CDH4: variants seen among roughly 807,000 people sequenced by gnomAD.
CDH4 encodes cadherin-4.
In CDH4, 33 loss-of-function variants were observed where a neutral mutation model predicts 86.0. The ratio of observed to expected loss-of-function variants is 0.38; its 90% confidence interval spans 0.29 to 0.51. The LOEUF (loss-of-function observed/expected upper bound fraction) is 0.51, where lower values mean the gene tolerates loss of function less well. Among genes scored for constraint, CDH4 ranks in the 20% least tolerant of loss-of-function variants. CDH4 has a pLI of 0.86. For missense variants in CDH4, 1,114 were observed against 1,307.4 expected (o/e 0.85, Z 2.28); for synonymous variants, 555 against 549.4 (o/e 1.01, Z -0.14).
At chr20:61,798,611 G>A (rs1016491658) in intron 4 of CDH4, among the ~76,000 whole-genome samples, 9 of 152,192 alleles carry the variant, frequency 5.9e-5, no homozygotes, top group Non-Finnish European at 1.0e-4. Context: ...ATGCCACCTC[G>A]GCCAGGCCCC....
At chr20:61,673,489 TGAG>T (rs2087412526) in intron 2 of CDH4, among the ~76,000 whole-genome samples, 1 of 152,234 alleles carries the variant, frequency 6.6e-6, no homozygotes, top group African/African-American at 2.4e-5. Flanking sequence ...AGGAGGCAGT[TGAG>T]GAGCCTGGCG....
intron 2 of CDH4, among the ~76,000 whole-genome samples, chr20:61,552,339 A>G (rs1262216238): frequency 1.3e-5 from 2 of 152,258 alleles, no homozygotes; most frequent in African/African-American, 4.8e-5. Context: ...AAGAAGACAT[A>G]CGAATGTCCA....
chr20:61,785,614 GGCCCCCACCCAGGTTTGCAGA>G (rs1043284946), intron 4 of CDH4, among the ~76,000 whole-genome samples: 14 of 151,424 alleles, frequency 9.2e-5, no homozygotes, highest in Middle Eastern at 3.4e-3. Context: ...AGGTGGACAG[GGCCCCCACCCAGGTTTGCAGA>G]GCCCCCACCC....
In CDH4 at chr20:61,807,183, G is replaced by A. The variant is rs983627263; in HGVS notation, c.576+34001G>A. Among the ~76,000 whole-genome samples the A allele has an allele frequency of 3.9e-5, 6 of 152,212 alleles. 1 individual carries two copies. Among genetic ancestry groups the A allele is most frequent in the Non-Finnish European group, 8.8e-5 (6 of 68,042 alleles). On this transcript the variant is annotated intron_variant, in intron 4 of 15. Transcript: ENST00000614565. The surrounding 1 kb of genome is among the most constrained non-coding windows in gnomAD (Gnocchi z 4.5). Reference sequence around the variant, plus strand: ...GGAGGGCCTCGGGAGGTGCCTGGTGGGTCCTGCCAGACAGAGGAGTGGCCT... The same window carrying A: ...GGAGGGCCTCGGGAGGTGCCTGGTGAGTCCTGCCAGACAGAGGAGTGGCCT...
chr20:61,446,576 C>T (rs6089666), intron 2 of CDH4, among the ~76,000 whole-genome samples: 4,394 of 151,596 alleles, frequency 0.029, 104 homozygotes, highest in Non-Finnish European at 0.044. Context: ...GTTGCTTGCA[C>T]TTTTCATGAT....
At chr20:61,887,887 G>A (rs1042124477) in intron 7 of CDH4, among the ~76,000 whole-genome samples, 10 of 152,182 alleles carry the variant, frequency 6.6e-5, no homozygotes, top group Non-Finnish European at 1.0e-4. Flanking sequence ...GGGACCCTAC[G>A]CTGCAGGATG....
intron 2 of CDH4, among the ~76,000 whole-genome samples, chr20:61,515,877 GCT>G (rs887401065): frequency 2.6e-5 from 4 of 152,018 alleles, no homozygotes; most frequent in Non-Finnish European, 5.9e-5. Context: ...TTGCTCGCTC[GCT>G]CTCTGTTTCC....
At chr20:61,727,446 C>T (rs560617697) in intron 2 of CDH4, among the ~76,000 whole-genome samples, 3 of 152,334 alleles carry the variant, frequency 2.0e-5, no homozygotes, top group African/African-American at 7.2e-5. Context: ...CTGCCACCAT[C>T]ATCATCATCA....
At chr20:61,279,020 A>C (rs1248114265) in intron 2 of CDH4, among the ~76,000 whole-genome samples, 1 of 152,182 alleles carries the variant, frequency 6.6e-6, no homozygotes, top group Non-Finnish European at 1.5e-5. Context: ...CTGAGAGTGG[A>C]GGGGCTTTGT....
At chr20:61,657,986 C>T (rs2087210483) in intron 2 of CDH4, among the ~76,000 whole-genome samples, 2 of 152,136 alleles carry the variant, frequency 1.3e-5, no homozygotes, top group Admixed American at 1.3e-4. Context: ...TGACCCTTTA[C>T]TGGAGGGAAG....
intron 2 of CDH4, among the ~76,000 whole-genome samples, chr20:61,334,962 C>G (rs2084609255): frequency 6.6e-6 from 1 of 152,216 alleles, no homozygotes; most frequent in Non-Finnish European, 1.5e-5. Flanking sequence ...CAGGCTCCAG[C>G]CTGTCCTCCA....
At chr20:61,495,001 G>C (rs898500292) in intron 2 of CDH4, among the ~76,000 whole-genome samples, 3 of 152,260 alleles carry the variant, frequency 2.0e-5, no homozygotes, top group Non-Finnish European at 4.4e-5. Flanking sequence ...CTATCCACAG[G>C]GAGCCACCTT....
chr20:61,688,834 G>T (rs775927030), intron 2 of CDH4, among the ~76,000 whole-genome samples: 1 of 152,230 alleles, frequency 6.6e-6, no homozygotes, highest in African/African-American at 2.4e-5. Context: ...TCACACACAG[G>T]AGTGTGCAAC....
chr20:61,305,695 A>T (rs1454479434), intron 2 of CDH4, among the ~76,000 whole-genome samples: 1 of 152,166 alleles, frequency 6.6e-6, no homozygotes, highest in Non-Finnish European at 1.5e-5. Context: ...CTCACCGCTC[A>T]CGTGCACCTA....
intron 2 of CDH4, among the ~76,000 whole-genome samples, chr20:61,689,830 GA>G: frequency 4.2e-5 from 6 of 142,906 alleles, no homozygotes; most frequent in South Asian, 2.3e-4. Context: ...AGGTGATGTG[GA>G]ATTGAGCTGG....
chr20:61,749,288 T>C (rs1206000468), intron 3 of CDH4, among the ~76,000 whole-genome samples: 4 of 152,182 alleles, frequency 2.6e-5, no homozygotes, highest in Non-Finnish European at 5.9e-5. Flanking sequence ...TTAACAAAAT[T>C]TCTTAGCAAA....
At chr20:61,543,091 G>C (rs972675549) in intron 2 of CDH4, among the ~76,000 whole-genome samples, 14 of 152,206 alleles carry the variant, frequency 9.2e-5, no homozygotes, top group African/African-American at 2.9e-4. Context: ...GTCCTTCCAC[G>C]TTCCTCTGCC....
chr20:61,821,974 C>G (rs369240678), intron 4 of CDH4, among the ~76,000 whole-genome samples: 1 of 152,382 alleles, frequency 6.6e-6, no homozygotes, highest in South Asian at 2.1e-4. Flanking sequence ...TCTTCATGAG[C>G]AAGTGGGGAG....
chr20:61,293,302 G>A (rs940207610), intron 2 of CDH4, among the ~76,000 whole-genome samples: 3 of 152,170 alleles, frequency 2.0e-5, no homozygotes, highest in Non-Finnish European at 4.4e-5. Flanking sequence ...CACAGCTCCT[G>A]GGACGGGTGG....
Sources: gnomAD v4.1 joint callset for allele counts (sites outside exome capture counted in the v4.1 genomes callset) on GRCh38, gnomAD v4.1.1 for gene constraint, Gnocchi (gnomAD v3.1) non-coding constraint, MANE v1.5 for transcripts, NCBI Gene and HGNC (gene_info 2026-07-23, HGNC 2026-07-21) for gene names.